INPP4B: variants seen among roughly 807,000 people sequenced by gnomAD.
INPP4B encodes the protein inositol polyphosphate 4-phosphatase type II.
Under a neutral mutation model 122.5 loss-of-function variants are expected in INPP4B, and 55 were observed. The observed-to-expected ratio is 0.45, with a 90% CI of 0.36 to 0.56. INPP4B has a LOEUF of 0.56. Ranked by LOEUF, INPP4B falls within the 20% of genes least tolerant of loss-of-function variation. The pLI, the probability that INPP4B is intolerant of heterozygous loss-of-function variation, is 0.00. For synonymous variants in INPP4B, 403 were observed against 388.7 expected, an observed-to-expected ratio of 1.04 and a Z score of -0.43; for missense variants, 1,000 against 1,097.7, an observed-to-expected ratio of 0.91 and a Z score of 1.26.
chr4:142,765,696 C>T (rs911079564), intron 1 of INPP4B, among the ~76,000 whole-genome samples: 6 of 152,110 alleles, frequency 3.9e-5, no homozygotes, highest in African/African-American at 1.4e-4. Context: ...ATCGGTTAAA[C>T]CAGTTGACAA....
At chr4:142,783,903 A>G (rs1775307574) in intron 1 of INPP4B, among the ~76,000 whole-genome samples, 1 of 152,160 alleles carries the variant, frequency 6.6e-6, no homozygotes, top group Admixed American at 6.6e-5. Flanking sequence ...AAGGCACATC[A>G]TTGGACTATA....
chr4:142,379,071 C>T (rs974618326), intron 7 of INPP4B, among the ~76,000 whole-genome samples: 6 of 151,956 alleles, frequency 3.9e-5, no homozygotes, highest in Admixed American at 1.3e-4. Flanking sequence ...TCCAAAATGC[C>T]GATATAACTA....
At chr4:142,695,691 CTG>C (rs1262256121) in intron 2 of INPP4B, among the ~76,000 whole-genome samples, 3 of 152,200 alleles carry the variant, frequency 2.0e-5, no homozygotes, top group Non-Finnish European at 4.4e-5. Context: ...ATTTAATAAA[CTG>C]TGCAATAGAA....
At chr4:142,108,361 C>T (rs1184367626) in intron 22 of INPP4B, among the ~76,000 whole-genome samples, 171 bp from the exon 23 acceptor site, 1 of 84,674 alleles carries the variant, frequency 1.2e-5, no homozygotes, top group Non-Finnish European at 3.2e-5. Context: ...CCAATCTCCA[C>T]TGGCCCTGAT....
rs575341330 is a variant in INPP4B at position 142,237,313 on chromosome 4, A to C, written c.836+551T>G. 7.2e-5 allele frequency among the ~76,000 whole-genome samples: 11 copies of C among 152,268 alleles called. 1 individual carries two copies. In the South Asian group the frequency reaches 2.3e-3, roughly 32 times the overall value. On this transcript the variant is annotated intron_variant, in intron 12 of 25. Transcript: ENST00000262992. Reference sequence around the variant, plus strand: ...TTATTACAAGATCAAAGCTCAAATTATTGGCCAGATACCAAGGTATCCACA... The same window carrying C: ...TTATTACAAGATCAAAGCTCAAATTCTTGGCCAGATACCAAGGTATCCACA...
Position 142,237,908 on chromosome 4 carries a change from A to T in INPP4B, c.792T>A (p.Ile264=). The change falls in exon 12 of 26, where the codon ATT becomes ATA. Residue 264 remains isoleucine, a synonymous_variant. Transcript: ENST00000262992. ...QMSESILSFH[I]PKELISLHIK... Reference sequence around the variant, plus strand: ...TGTGAAGGGAAATCAATTCCTTAGGAATATGAAAGGAAAGAATGCTCTCTG... The same window carrying T: ...TGTGAAGGGAAATCAATTCCTTAGGTATATGAAAGGAAAGAATGCTCTCTG... 2 of 1,580,360 alleles carry T rather than the reference A, an allele frequency of 1.3e-6. No individual in the cohort carries two copies. Among genetic ancestry groups the T allele is most frequent in the Non-Finnish European group, 1.7e-6 (2 of 1,152,936 alleles).
chr4:142,445,366 C>T (rs1812685116), intron 3 of INPP4B, among the ~76,000 whole-genome samples: 1 of 151,842 alleles, frequency 6.6e-6, no homozygotes, highest in African/African-American at 2.4e-5. Flanking sequence ...ACTGAATTTG[C>T]AAAAATACTG....
At chr4:142,420,365 C>A (rs1021937585) in intron 5 of INPP4B, among the ~76,000 whole-genome samples, 4 of 152,052 alleles carry the variant, frequency 2.6e-5, no homozygotes, top group Non-Finnish European at 5.9e-5. Context: ...ATATACTTCT[C>A]ATTTATTAAT....
intron 15 of INPP4B, among the ~76,000 whole-genome samples, chr4:142,176,687 A>T (rs1241487486): frequency 6.6e-6 from 1 of 152,152 alleles, no homozygotes; most frequent in Non-Finnish European, 1.5e-5. Context: ...TTTATTGAAA[A>T]AAATGCAGAT....
chr4:142,472,534 T>C (rs1450940821), intron 2 of INPP4B, among the ~76,000 whole-genome samples: 1 of 152,192 alleles, frequency 6.6e-6, no homozygotes, highest in African/African-American at 2.4e-5. Context: ...GAAATATTTT[T>C]CCCCAAATGT....
intron 18 of INPP4B, among the ~76,000 whole-genome samples, chr4:142,134,104 G>T (rs1802731738): frequency 6.6e-6 from 1 of 151,890 alleles, no homozygotes; most frequent in African/African-American, 2.4e-5. Context: ...TAGTCCTCAG[G>T]GTCTAAAACA....
chr4:142,485,305 C>G (rs566123976), intron 2 of INPP4B, among the ~76,000 whole-genome samples: 4 of 152,048 alleles, frequency 2.6e-5, no homozygotes, highest in Non-Finnish European at 5.9e-5. Context: ...GACCAACCAA[C>G]CAACCTTAAG....
intron 18 of INPP4B, among the ~76,000 whole-genome samples, chr4:142,128,538 C>T (rs3775650): frequency 0.13 from 19,025 of 152,016 alleles, 1,368 homozygotes; most frequent in East Asian, 0.23. Flanking sequence ...CAGAGGGAAA[C>T]ACTAAGTGAA....
chr4:142,101,565 G>C (rs1157614591), intron 23 of INPP4B, among the ~76,000 whole-genome samples: 3 of 152,038 alleles, frequency 2.0e-5, no homozygotes, highest in African/African-American at 7.2e-5. Flanking sequence ...TGCTTTTCCA[G>C]TCTGTGGCTT....
chr4:142,398,376 T>TAAAAAAAAAAAAA (rs1183246808), intron 7 of INPP4B, among the ~76,000 whole-genome samples: 2 of 8,858 alleles, frequency 2.3e-4, no homozygotes, highest in Non-Finnish European at 4.0e-4. Context: ...AGACTCTGTC[T>TAAAAAAAAAAAAA]AAAAAAAAAA....
intron 1 of INPP4B, among the ~76,000 whole-genome samples, chr4:142,729,571 G>A (rs1765797685): frequency 1.3e-5 from 2 of 152,110 alleles, no homozygotes; most frequent in Non-Finnish European, 2.9e-5. Flanking sequence ...CTTACTTTCT[G>A]CTCACTAAGC....
intron 5 of INPP4B, among the ~76,000 whole-genome samples, chr4:142,424,685 T>A (rs1462958840): frequency 6.6e-6 from 1 of 152,100 alleles, no homozygotes; most frequent in East Asian, 1.9e-4. Context: ...ACTCTAAAAA[T>A]TAAATAATAG....
chr4:142,376,134 T>G (rs1030807669), intron 7 of INPP4B, among the ~76,000 whole-genome samples: 4 of 152,056 alleles, frequency 2.6e-5, no homozygotes, highest in African/African-American at 9.7e-5. Context: ...ATGGAATAAG[T>G]ATTGAAATAT....
intron 2 of INPP4B, among the ~76,000 whole-genome samples, chr4:142,506,802 A>C (rs1034999155): frequency 6.6e-6 from 1 of 152,332 alleles, no homozygotes; most frequent in Middle Eastern, 3.4e-3. Context: ...TGAAAATGAC[A>C]GTCCTAATAT....
Sources: gnomAD v4.1 joint callset for allele counts (sites outside exome capture counted in the v4.1 genomes callset) on GRCh38, gnomAD v4.1.1 for gene constraint, MANE v1.5 for transcripts, NCBI Gene and HGNC (gene_info 2026-07-23, HGNC 2026-07-21) for gene names.